Variants in PRKAA2 observed in about 807,000 individuals in gnomAD.
PRKAA2 encodes protein kinase AMP-activated catalytic subunit alpha 2, also known as 5'-AMP-activated protein kinase catalytic subunit alpha-2.
In PRKAA2, 40 loss-of-function variants were observed where a neutral mutation model predicts 56.3. The ratio of observed to expected loss-of-function variants is 0.71; its 90% CI spans 0.55 to 0.92. PRKAA2 has a LOEUF of 0.92. Ranked by LOEUF, PRKAA2 falls within the 40% of genes least tolerant of loss-of-function variation. The pLI, the probability that PRKAA2 is intolerant of heterozygous loss-of-function variation, is 0.00. For synonymous variants in PRKAA2, 214 were observed against 234.2 expected, an observed-to-expected ratio of 0.91 and a Z score of 0.79; for missense variants, 542 against 686.9, an observed-to-expected ratio of 0.79 and a Z score of 2.36.
intron 1 of PRKAA2, among the ~76,000 whole-genome samples, chr1:56,655,282 T>TATATATATA (rs1557542428): frequency 9.2e-5 from 5 of 54,352 alleles, no homozygotes; most frequent in African/African-American, 5.5e-4. Context: ...ATATATATAT[T>TATATATATA]TTTTTTTTTT....
rs1644344889 is a variant in PRKAA2 at position 56,708,109 on chromosome 1, A to T, written c.*396A>T. ...TCTAGTTTACTTCCTAAATTTCAGT[A>T]GGCTTTATGCTGTGTTTATGCCCCC... On this transcript the variant is annotated 3_prime_UTR_variant, in exon 9 of 9. Transcript: ENST00000371244. 1 of 188,402 alleles carries T rather than the reference A, an allele frequency of 5.3e-6. No individual in the cohort carries two copies. Among genetic ancestry groups the T allele is most frequent in the Admixed American group, 5.3e-5 (1 of 18,752 alleles). 11.7% of individuals were successfully genotyped at this position (188,402 alleles called of 1,614,324 possible). A position where few individuals can be genotyped will look rare whatever the true frequency, so the allele number is the denominator to read the frequency against.
Position 56,703,952 on chromosome 1 carries a change from A to G in PRKAA2, c.789-19A>G. 2 of 1,581,614 alleles carry G rather than the reference A, an allele frequency of 1.3e-6. No individual in the cohort carries two copies. On this transcript the variant is annotated intron_variant, in intron 6 of 8. Transcript: ENST00000371244. ...GCCAAACCATGTCTTACAATAATGTATTGTGGTGTTTTTCCTAGAGAGCAT... is the reference window on the plus strand; with the variant it reads ...GCCAAACCATGTCTTACAATAATGTGTTGTGGTGTTTTTCCTAGAGAGCAT...
At chr1:56,657,468 G>T (rs1377916873) in intron 1 of PRKAA2, among the ~76,000 whole-genome samples, 1 of 152,188 alleles carries the variant, frequency 6.6e-6, no homozygotes, top group Admixed American at 6.5e-5. Context: ...CTGAGGTCAG[G>T]AGTTTGAGAC....
Position 56,707,753 on chromosome 1 carries a change from C to A in PRKAA2, c.*40C>A, listed in dbSNP as rs755693897. On this transcript the variant is annotated 3_prime_UTR_variant, in exon 9 of 9. Coordinates refer to ENST00000371244, the MANE Select transcript of PRKAA2 (RefSeq NM_006252.4). ...CTTTCTGTTATTGCACTATGAAAAT[C>A]AGTTATATTCTTTAAATTTTTATCT... 15 of 1,476,124 alleles carry A rather than the reference C, an allele frequency of 1.0e-5. No individual in the cohort carries two copies. The South Asian group carries it at 1.2e-4, about 12-fold the overall frequency. The allele number at this position is 1,476,124 out of a possible 1,614,324, so 91.4% of individuals were successfully genotyped here. A position where few individuals can be genotyped will look rare whatever the true frequency, so the allele number is the denominator to read the frequency against.
chr1:56,657,777 A>G (rs1020498077), intron 1 of PRKAA2, among the ~76,000 whole-genome samples: 1 of 152,206 alleles, frequency 6.6e-6, no homozygotes, highest in African/African-American at 2.4e-5. Flanking sequence ...GGCAAAATGC[A>G]TTTTTATGCA....
intron 1 of PRKAA2, among the ~76,000 whole-genome samples, chr1:56,658,576 T>G (rs2746351): frequency 0.52 from 74,587 of 142,648 alleles, 19,979 homozygotes; most frequent in East Asian, 0.66. Context: ...TGTTGTTGTT[T>G]TTTTTTTTCT....
intron 1 of PRKAA2, among the ~76,000 whole-genome samples, chr1:56,645,692 G>A (rs144657028): frequency 0.02 from 2,969 of 152,126 alleles, 106 homozygotes; most frequent in African/African-American, 0.068. Flanking sequence ...GGAAGAGGGC[G>A]GGGGTGTGAG....
intron 1 of PRKAA2, among the ~76,000 whole-genome samples, chr1:56,652,759 G>C (rs12402675): frequency 0.31 from 46,651 of 152,038 alleles, 7,994 homozygotes; most frequent in Admixed American, 0.46. Flanking sequence ...CACTTGTGGA[G>C]ATGGTGAGAT....
In PRKAA2 at chr1:56,707,627, T is replaced by C. The variant is rs1314369801; in HGVS notation, c.1573T>C (p.Leu525=). 1 of 1,614,010 alleles carries C rather than the reference T, an allele frequency of 6.2e-7. No homozygotes were observed. Among genetic ancestry groups the C allele is most frequent in the Non-Finnish European group, 8.5e-7 (1 of 1,179,994 alleles). Residue 525 remains leucine, a synonymous_variant, in exon 9 of 9, where the codon TTG becomes CTG. Transcript: ENST00000371244. ...CACTGGCTCTTTGACCGGAAGCACA[T>C]TGTCTTCAGTTTCACCTCGCCTGGG... ...SLTGSLTGST[L]SSVSPRLGSH...
rs1644350493 is a variant in PRKAA2 at position 56,708,814 on chromosome 1, C to T, written c.*1101C>T. On this transcript the variant is annotated 3_prime_UTR_variant, in exon 9 of 9. Coordinates refer to ENST00000371244, the MANE Select transcript of PRKAA2 (RefSeq NM_006252.4). ...ACACTGTTCTGGCCCTAAGGGCTGG[C>T]TATGACCTTTACTGTTGAACCTGAT... The T allele has an allele frequency of 6.6e-6, 1 of 152,114 alleles. No individual in the cohort carries two copies. Among genetic ancestry groups the T allele is most frequent in the African/African-American group, 2.4e-5 (1 of 41,430 alleles). 9.4% of individuals were successfully genotyped at this position (152,114 alleles called of 1,614,324 possible).
intron 2 of PRKAA2, among the ~76,000 whole-genome samples, chr1:56,689,369 A>G (rs904060835): frequency 6.6e-6 from 1 of 152,220 alleles, no homozygotes; most frequent in African/African-American, 2.4e-5. Flanking sequence ...TTTATTTTAT[A>G]TAAATTAGAA....
Position 56,645,396 on chromosome 1 carries a change from G to A in PRKAA2, c.9G>A (p.Glu3=). 6.7e-7 allele frequency: 1 copy of A among 1,498,152 alleles called. No individual in the cohort carries two copies. Among genetic ancestry groups the A allele is most frequent in the Admixed American group, 2.1e-5 (1 of 48,064 alleles). 92.8% of individuals were successfully genotyped at this position (1,498,152 alleles called of 1,614,324 possible). The stretch of plus-strand genomic sequence containing the variant: ...GGCCGCGCGCGCCGAAGATGGCTGA[G>A]AAGCAGAAGCACGACGGGCGGGTGA... MA[E]KQKHDGRVKI... is the part of the protein sequence containing the mutation. Residue 3 remains glutamate (E), a synonymous_variant, in exon 1 of 9, where the codon GAG becomes GAA. Transcript: ENST00000371244.
chr1:56,661,421 A>T (rs1643993523), intron 1 of PRKAA2, among the ~76,000 whole-genome samples: 4 of 152,056 alleles, frequency 2.6e-5, no homozygotes, highest in Non-Finnish European at 5.9e-5. Flanking sequence ...CCTGTTTTTG[A>T]ACTTTATAGA....
chr1:56,672,889 C>T (rs752096163), intron 1 of PRKAA2, among the ~76,000 whole-genome samples: 2 of 152,000 alleles, frequency 1.3e-5, no homozygotes, highest in African/African-American at 2.4e-5. Flanking sequence ...TTTAATGAGA[C>T]AAGTTGGAAA....
At chr1:56,688,904 T>C (rs144100783) in intron 2 of PRKAA2, among the ~76,000 whole-genome samples, 4 of 152,338 alleles carry the variant, frequency 2.6e-5, no homozygotes, top group African/African-American at 9.6e-5. Flanking sequence ...CAATAAATGT[T>C]GTGTCACCAT....
intron 2 of PRKAA2, among the ~76,000 whole-genome samples, chr1:56,690,563 T>A (rs1274866351): frequency 6.6e-6 from 1 of 152,232 alleles, no homozygotes. Context: ...TTAAAGTTGG[T>A]TTATTTGAAT....
chr1:56,704,202 C>T lies in PRKAA2; in HGVS notation c.1020C>T (p.Phe340=), dbSNP rs1299267070. 2 of 1,614,184 alleles carry T rather than the reference C, an allele frequency of 1.2e-6. No individual in the cohort carries two copies. Among genetic ancestry groups the T allele is most frequent in the Non-Finnish European group, 1.7e-6 (2 of 1,180,032 alleles). Residue 340 remains phenylalanine, a synonymous_variant, in exon 7 of 9, where the codon TTC becomes TTT. Transcript: ENST00000371244. ...NRRIMNQASE[F]YLASSPPSGS... ...GAATAATGAACCAAGCCAGTGAGTT[C>T]TACCTCGCCTCTAGTCCTCCATCTG... is the stretch of plus-strand genomic sequence containing the variant.
rs1644347081 is a variant in PRKAA2, at chr1:56,708,417, T to C, written c.*704T>C. 6.6e-6 allele frequency: 1 copy of C among 152,172 alleles called. No homozygotes were observed. The highest frequency in any genetic ancestry group is 1.5e-5 in the Non-Finnish European group (1 of 68,022). 9.4% of individuals were successfully genotyped at this position (152,172 alleles called of 1,614,324 possible). On this transcript the variant is annotated 3_prime_UTR_variant, in exon 9 of 9. Coordinates refer to ENST00000371244, the MANE Select transcript of PRKAA2 (RefSeq NM_006252.4). ...TCTTAAGAGCCTTCAAGTTTCAAAT[T>C]AATATTGGAACATCTGGAATTGCAA...
intron 5 of PRKAA2, 72 bp downstream of exon 5, chr1:56,693,924 C>T (rs978077308): frequency 1.4e-5 from 14 of 1,035,146 alleles, no homozygotes; most frequent in Non-Finnish European, 2.0e-5. Context: ...ACAATATATT[C>T]TCTATGGAAG....
Sources: gnomAD v4.1 joint callset for allele counts (sites outside exome capture counted in the v4.1 genomes callset) on GRCh38, gnomAD v4.1.1 for gene constraint, MANE v1.5 for transcripts, NCBI Gene and HGNC (gene_info 2026-07-23, HGNC 2026-07-21) for gene names.